The following CADM2 variants were observed in gnomAD, a reference collection of about 807,000 sequenced individuals.
CADM2 encodes the protein immunoglobulin superfamily member 4D.
A neutral mutation model predicts 49.8 loss-of-function variants in CADM2; 12 were observed. The ratio of observed to expected loss-of-function variants is 0.24; its 90% CI spans 0.15 to 0.39. The LOEUF is 0.39. CADM2 is among the 10% of genes least tolerant of loss of function. CADM2 has a pLI of 1.00. For synonymous variants in CADM2, 214 were observed against 175.4 expected (o/e 1.22, Z -1.74); for missense variants, 378 against 492.3 (o/e 0.77, Z 2.20).
At chr3:85,693,441 G>T (rs1238837938) in intron 1 of CADM2, among the ~76,000 whole-genome samples, 1 of 150,846 alleles carries the variant, frequency 6.6e-6, no homozygotes, top group Non-Finnish European at 1.5e-5. Flanking sequence ...TTAGCCGGGC[G>T]CAGTGGCGGG....
At chr3:85,767,472 T>G (rs1451464824) in intron 2 of CADM2, among the ~76,000 whole-genome samples, 1 of 152,202 alleles carries the variant, frequency 6.6e-6, no homozygotes, top group Non-Finnish European at 1.5e-5. Flanking sequence ...AAGAAGAAAT[T>G]AAATTTGCAG....
intron 2 of CADM2, among the ~76,000 whole-genome samples, chr3:85,767,309 G>C (rs2069707809): frequency 6.6e-6 from 1 of 152,128 alleles, no homozygotes; most frequent in African/African-American, 2.4e-5. Context: ...GTACAAATAA[G>C]CCGGCGGCTG....
intron 1 of CADM2, among the ~76,000 whole-genome samples, chr3:85,413,164 T>TAAAAAAAAAAA (rs1164449868): frequency 1.3e-5 from 1 of 76,830 alleles, no homozygotes; most frequent in Non-Finnish European, 2.2e-5. Flanking sequence ...AAAAAAAAAA[T>TAAAAAAAAAAA]AATAATAATA....
intron 1 of CADM2, among the ~76,000 whole-genome samples, chr3:85,636,805 C>A (rs2064501660): frequency 6.6e-6 from 1 of 152,162 alleles, no homozygotes; most frequent in Middle Eastern, 3.2e-3. Context: ...GTCTTCAATA[C>A]AATAACATGC....
At chr3:85,951,475 C>G (rs772698976) in intron 7 of CADM2, among the ~76,000 whole-genome samples, 8 of 151,020 alleles carry the variant, frequency 5.3e-5, no homozygotes, top group Non-Finnish European at 8.9e-5. Flanking sequence ...TGTTAAAACA[C>G]AAATCCAATT....
At chr3:85,389,037 GTA>G (rs1320351097) in intron 1 of CADM2, among the ~76,000 whole-genome samples, 1 of 151,998 alleles carries the variant, frequency 6.6e-6, no homozygotes, top group Non-Finnish European at 1.5e-5. Context: ...GACATTGTGG[GTA>G]TCTTATTGGG....
intron 1 of CADM2, among the ~76,000 whole-genome samples, chr3:85,326,666 A>G (rs1042969001): frequency 7.2e-5 from 11 of 152,208 alleles, no homozygotes; most frequent in African/African-American, 2.7e-4. Flanking sequence ...GCCATTTTCA[A>G]TTGTAAAAGT....
intron 3 of CADM2, among the ~76,000 whole-genome samples, chr3:85,819,631 G>A (rs903716297): frequency 1.3e-5 from 2 of 152,038 alleles, no homozygotes; most frequent in African/African-American, 4.8e-5. Context: ...TTATAATTCT[G>A]AGTTTCTGTG....
At chr3:85,135,597 A>C (rs762202869) in intron 1 of CADM2, among the ~76,000 whole-genome samples, 1 of 152,122 alleles carries the variant, frequency 6.6e-6, no homozygotes, top group Admixed American at 6.5e-5. Context: ...GTGAAAAATT[A>C]GCCTCAATAA....
At chr3:85,758,011 CTTTA>C (rs1393922992) in intron 2 of CADM2, among the ~76,000 whole-genome samples, 2 of 152,052 alleles carry the variant, frequency 1.3e-5, no homozygotes, top group Non-Finnish European at 2.9e-5. Flanking sequence ...AGTTACGTTG[CTTTA>C]TTTGTTTTTT....
At chr3:85,154,501 T>C (rs1453971957) in intron 1 of CADM2, among the ~76,000 whole-genome samples, 2 of 152,090 alleles carry the variant, frequency 1.3e-5, no homozygotes, top group African/African-American at 2.4e-5. Flanking sequence ...TGGAACCAAG[T>C]TGGAAAACAC....
rs1553688804 is a variant in CADM2 at position 85,150,923 on chromosome 3, A to AAATAAAAATAAATAAT, written c.61+191260_61+191261insAAATAAATAATAATAA. Among the ~76,000 whole-genome samples, 313 of 146,816 alleles carry AAATAAAAATAAATAAT rather than the reference A, an allele frequency of 2.1e-3. 1 individual carries two copies. Among genetic ancestry groups the AAATAAAAATAAATAAT allele is most frequent in the African/African-American group, 7.5e-3 (300 of 39,752 alleles). On this transcript the variant is annotated intron_variant, in intron 1 of 9. Transcript: ENST00000383699. ...GACGCTGTTTCAAAAAAATAAAAAT[A>AAATAAAAATAAATAAT]AATAATAATAATAATAATAATAATA... is the stretch of plus-strand genomic sequence containing the variant.
intron 1 of CADM2, among the ~76,000 whole-genome samples, chr3:85,527,672 G>T (rs975014274): frequency 5.9e-5 from 9 of 151,740 alleles, no homozygotes; most frequent in Admixed American, 3.3e-4. Context: ...AGCATGTTTT[G>T]GTTGTTTTTA....
chr3:86,015,987 A>G (rs1021871034), intron 8 of CADM2, among the ~76,000 whole-genome samples: 1 of 152,172 alleles, frequency 6.6e-6, no homozygotes, highest in African/African-American at 2.4e-5. Context: ...AAGAAAATCC[A>G]TTTTGTATAG....
At chr3:85,533,735 G>C (rs1205043232) in intron 1 of CADM2, among the ~76,000 whole-genome samples, 1 of 152,140 alleles carries the variant, frequency 6.6e-6, no homozygotes. Context: ...CTAGAATCAA[G>C]GGCCAGCTTA....
At chr3:85,147,737 G>T (rs1246301991) in intron 1 of CADM2, among the ~76,000 whole-genome samples, 1 of 152,246 alleles carries the variant, frequency 6.6e-6, no homozygotes, top group African/African-American at 2.4e-5. Flanking sequence ...GATGTTAAAA[G>T]ATTAAGAATT....
chr3:85,556,294 G>C lies in CADM2; in HGVS notation c.62-170228G>C, dbSNP rs138023772. ...GGTCATCCTATTCTTCATCCTTGTC[G>C]TTTTCCTGTTGAATAGGCTTTGGAG... On this transcript the variant is annotated intron_variant, in intron 1 of 9. Transcript: ENST00000383699. Among the ~76,000 whole-genome samples the C allele has an allele frequency of 7.5e-3, 1,145 of 152,118 alleles. 19 individuals are homozygous for C. Among genetic ancestry groups the C allele is most frequent in the African/African-American group, 0.027 (1,105 of 41,552 alleles).
chr3:85,220,902 A>C (rs538468190), intron 1 of CADM2, among the ~76,000 whole-genome samples: 12 of 152,170 alleles, frequency 7.9e-5, no homozygotes, highest in Admixed American at 4.6e-4. Flanking sequence ...AACTAAAATC[A>C]ATGGGTAAGT....
chr3:85,392,962 A>G (rs375676082), intron 1 of CADM2, among the ~76,000 whole-genome samples: 13 of 152,062 alleles, frequency 8.5e-5, no homozygotes, highest in African/African-American at 2.9e-4. Context: ...TCCTTGCCCT[A>G]TTTAGTGAAT....
Sources: gnomAD v4.1 joint callset for allele counts (sites outside exome capture counted in the v4.1 genomes callset) on GRCh38, gnomAD v4.1.1 for gene constraint, MANE v1.5 for transcripts, NCBI Gene and HGNC (gene_info 2026-07-23, HGNC 2026-07-21) for gene names.